LGR5: variants seen among roughly 807,000 people sequenced by gnomAD.
LGR5 encodes the protein leucine rich repeat containing G protein-coupled receptor 5, also known as leucine-rich repeat-containing G protein-coupled receptor 5.
In LGR5, 54 loss-of-function variants were observed where a neutral mutation model predicts 76.7. The ratio of observed to expected loss-of-function variants is 0.70; its 90% CI spans 0.57 to 0.88. LGR5 has a LOEUF of 0.88. Ranked by LOEUF, LGR5 falls within the 40% of genes least tolerant of loss-of-function variation. The pLI is 0.00. For synonymous variants in LGR5, 406 were observed against 421.9 expected, an observed-to-expected ratio of 0.96 and a Z score of 0.46; for missense variants, 1,078 against 1,073.3, an observed-to-expected ratio of 1.00 and a Z score of -0.06.
Position 71,529,956 on chromosome 12 carries a change from C to CAAAAA in LGR5, c.357-5146_357-5142dup, listed in dbSNP as rs34678480. Among the ~76,000 whole-genome samples, 31 of 91,412 alleles carry CAAAAA rather than the reference C, an allele frequency of 3.4e-4. 1 individual carries two copies. Among genetic ancestry groups the CAAAAA allele is most frequent in the African/African-American group, 4.5e-4 (11 of 24,296 alleles). The allele number at this position is 91,412 out of a possible 152,430, so 60.0% of individuals were successfully genotyped here. A position where few individuals can be genotyped will look rare whatever the true frequency, so the allele number is the denominator to read the frequency against. ...GTGCAATAGAGTGAGATTCTGTCTC[C>CAAAAA]AAAAAAAAAAAAAAAAAGTAGAAGC... On this transcript the variant is annotated intron_variant, in intron 3 of 17. Coordinates refer to ENST00000266674, the MANE Select transcript of LGR5 (RefSeq NM_003667.4).
At chr12:71,479,959 G>A (rs1272893243) in intron 1 of LGR5, among the ~76,000 whole-genome samples, 3 of 152,138 alleles carry the variant, frequency 2.0e-5, no homozygotes, top group South Asian at 2.1e-4. Context: ...AGAATTTTAG[G>A]TGGTGCCAGG....
intron 13 of LGR5, among the ~76,000 whole-genome samples, chr12:71,577,709 T>C (rs1878918700): frequency 6.6e-6 from 1 of 152,170 alleles, no homozygotes; most frequent in African/African-American, 2.4e-5. Flanking sequence ...ACCTGAACGA[T>C]GTTTCCTTGA....
At chr12:71,572,724 T>A (rs1215436490) in intron 12 of LGR5, 126 bp from the exon 13 acceptor site, 2 of 655,100 alleles carry the variant, frequency 3.1e-6, no homozygotes, top group Non-Finnish European at 5.4e-6. Flanking sequence ...AATCAGTCAC[T>A]TGATAGATAC....
intron 1 of LGR5, among the ~76,000 whole-genome samples, chr12:71,453,350 A>T (rs539149987): frequency 1.3e-5 from 2 of 152,290 alleles, no homozygotes; most frequent in Admixed American, 6.5e-5. Flanking sequence ...CTGAGTGAAC[A>T]CTTTGTCACA....
Position 71,584,370 on chromosome 12 carries a change from TCTC to T in LGR5, c.2364_2366del (p.Ser789del). 6.2e-7 allele frequency: 1 copy of T among 1,614,222 alleles called. No homozygotes were observed. The highest frequency in any genetic ancestry group is 8.5e-7 in the Non-Finnish European group (1 of 1,180,036). Reference sequence around the variant, plus strand: ...AACTGCCCTGTGGCTTTCTTGTCCTTCTCCTCTTTAATAAACCTTACATTTATC... The same window carrying T: ...AACTGCCCTGTGGCTTTCTTGTCCTTCTCTTTAATAAACCTTACATTTATC... On this transcript the variant is annotated inframe_deletion, in exon 18 of 18. Coordinates refer to ENST00000266674, the MANE Select transcript of LGR5 (RefSeq NM_003667.4).
At chr12:71,525,337 C>T (rs918061604) in intron 3 of LGR5, among the ~76,000 whole-genome samples, 10 of 151,870 alleles carry the variant, frequency 6.6e-5, no homozygotes, top group South Asian at 2.1e-4. Context: ...ACAGCAGAAC[C>T]GTTATTTGAT....
At chr12:71,526,519 T>C (rs1286550661) in intron 3 of LGR5, among the ~76,000 whole-genome samples, 1 of 152,242 alleles carries the variant, frequency 6.6e-6, no homozygotes, top group Non-Finnish European at 1.5e-5. Flanking sequence ...AGTCAAGGGT[T>C]CAGCAAAGCC....
At chr12:71,454,368 A>G (rs989088008) in intron 1 of LGR5, among the ~76,000 whole-genome samples, 3 of 152,224 alleles carry the variant, frequency 2.0e-5, no homozygotes, top group African/African-American at 7.2e-5. Flanking sequence ...GTCATCCAGC[A>G]GTACAGATTG....
chr12:71,546,725 G>C (rs564199444), intron 4 of LGR5, among the ~76,000 whole-genome samples: 2 of 152,206 alleles, frequency 1.3e-5, no homozygotes, highest in South Asian at 4.2e-4. Context: ...CCTTTCTACA[G>C]CACATGTATT....
intron 4 of LGR5, among the ~76,000 whole-genome samples, chr12:71,550,295 C>T (rs1413625927): frequency 7.0e-6 from 1 of 143,312 alleles, no homozygotes; most frequent in East Asian, 2.1e-4. Flanking sequence ...GGATTACAGG[C>T]ATGCACCACC....
Position 71,584,071 on chromosome 12 carries a change from C to T in LGR5, c.2061C>T (p.Leu687=), listed in dbSNP as rs755134962. 2.5e-6 allele frequency: 4 copies of T among 1,614,250 alleles called. No homozygotes were observed. The South Asian group carries it at 4.4e-5, about 18-fold the overall frequency. Residue 687 remains leucine, a synonymous_variant, in exon 18 of 18, where the codon CTC becomes CTT. Coordinates refer to ENST00000266674, the MANE Select transcript of LGR5 (RefSeq NM_003667.4). Reference sequence around the variant, plus strand: ...CTAGCCTGAAAGTAATCATTTTGCTCTGTGCCCTGCTGGCCTTGACCATGG... The same window carrying T: ...CTAGCCTGAAAGTAATCATTTTGCTTTGTGCCCTGCTGGCCTTGACCATGG... ...PFSSLKVIIL[L]CALLALTMAA...
At chr12:71,465,722 C>G (rs190267831) in intron 1 of LGR5, among the ~76,000 whole-genome samples, 2 of 152,248 alleles carry the variant, frequency 1.3e-5, no homozygotes, top group East Asian at 3.9e-4. Context: ...TTTCAGTTTC[C>G]TCTATTAGAA....
At chr12:71,529,398 G>T (rs988388923) in intron 3 of LGR5, among the ~76,000 whole-genome samples, 1 of 152,044 alleles carries the variant, frequency 6.6e-6, no homozygotes, top group South Asian at 2.1e-4. Flanking sequence ...ATCAGATCTC[G>T]TGAGAACTCA....
intron 1 of LGR5, among the ~76,000 whole-genome samples, chr12:71,443,572 T>C (rs1200606148): frequency 6.6e-6 from 1 of 152,250 alleles, no homozygotes; most frequent in Admixed American, 6.5e-5. Flanking sequence ...CAACATTTAA[T>C]ACCAGTTGTG....
chr12:71,558,558 T>C (rs1174037337), intron 6 of LGR5, among the ~76,000 whole-genome samples: 1 of 152,176 alleles, frequency 6.6e-6, no homozygotes, highest in African/African-American at 2.4e-5. Flanking sequence ...AGGAAGAAAA[T>C]TTATGTCTAC....
chr12:71,520,181 A>G (rs1037607638), intron 2 of LGR5, among the ~76,000 whole-genome samples: 2 of 152,226 alleles, frequency 1.3e-5, no homozygotes, highest in African/African-American at 4.8e-5. Flanking sequence ...GGATAAACAA[A>G]ATGCAGTATA....
chr12:71,558,201 G>A (rs1004632120), intron 6 of LGR5, among the ~76,000 whole-genome samples: 8 of 152,116 alleles, frequency 5.3e-5, no homozygotes, highest in African/African-American at 1.9e-4. Context: ...CAAAACGCTG[G>A]GCTCAGAAAT....
chr12:71,446,077 C>T (rs1194426391), intron 1 of LGR5, among the ~76,000 whole-genome samples: 1 of 152,114 alleles, frequency 6.6e-6, no homozygotes, highest in Non-Finnish European at 1.5e-5. Context: ...CCCAAGTGCC[C>T]ATACCAATGC....
intron 4 of LGR5, among the ~76,000 whole-genome samples, chr12:71,540,113 C>A (rs1002895381): frequency 6.6e-6 from 1 of 152,136 alleles, no homozygotes; most frequent in African/African-American, 2.4e-5. Flanking sequence ...ACTTAACCCT[C>A]CCATACCCTC....
Sources: allele counts gnomAD v4.1 joint callset (sites outside exome capture counted in the v4.1 genomes callset), GRCh38; gene constraint gnomAD v4.1.1; transcripts MANE v1.5; gene names NCBI Gene and HGNC (gene_info 2026-07-23, HGNC 2026-07-21).